Variants in DLC1 observed in about 807,000 individuals in gnomAD.
The protein encoded by DLC1 is rho GTPase-activating protein 7.
A neutral mutation model predicts 140.3 loss-of-function variants in DLC1; 54 were observed. The ratio of observed to expected loss-of-function variants is 0.38; its 90% CI spans 0.31 to 0.48. The LOEUF is 0.48. Ranked by LOEUF, DLC1 falls within the 20% of genes least tolerant of loss-of-function variation. The pLI is 0.96. For missense variants in DLC1, 2,536 were observed against 1,907.0 expected (o/e 1.33, Z -6.14); for synonymous variants, 986 against 728.1 (o/e 1.35, Z -5.70).
intron 2 of DLC1, among the ~76,000 whole-genome samples, chr8:13,434,339 T>C (rs765161587): frequency 2.3e-4 from 35 of 152,226 alleles, no homozygotes; most frequent in Non-Finnish European, 3.8e-4. Flanking sequence ...AAGATGTCAC[T>C]GCTCTAGATT....
chr8:13,256,895 A>G (rs1830252717), intron 5 of DLC1, among the ~76,000 whole-genome samples: 1 of 151,924 alleles, frequency 6.6e-6, no homozygotes, highest in Non-Finnish European at 1.5e-5. Flanking sequence ...AAAAAAAAAA[A>G]AAAAGGCAGA....
At chr8:13,357,383 C>G (rs901367616) in intron 4 of DLC1, among the ~76,000 whole-genome samples, 3 of 152,222 alleles carry the variant, frequency 2.0e-5, no homozygotes, top group African/African-American at 7.2e-5. Context: ...TGTCTTTGGA[C>G]AAATTTACCC....
intron 1 of DLC1, among the ~76,000 whole-genome samples, chr8:13,562,768 T>TA (rs1224186959): frequency 6.6e-6 from 1 of 152,182 alleles, no homozygotes. Context: ...TGATTTCTTA[T>TA]AATAGCAAAA....
intron 5 of DLC1, among the ~76,000 whole-genome samples, chr8:13,221,208 G>A (rs1176933236): frequency 6.6e-6 from 1 of 151,988 alleles, no homozygotes; most frequent in Non-Finnish European, 1.5e-5. Context: ...CTTTCCATGG[G>A]GGATGTTAGA....
At chr8:13,463,115 T>C (rs1400638891) in intron 2 of DLC1, among the ~76,000 whole-genome samples, 1 of 151,934 alleles carries the variant, frequency 6.6e-6, no homozygotes, top group African/African-American at 2.4e-5. Context: ...TATGAGCTGG[T>C]TTTATTTATT....
In DLC1 at chr8:13,099,967, C is replaced by T; in HGVS notation, c.2370G>A (p.Val790=). The change falls in exon 9 of 18, where the codon GTG becomes GTA. Residue 790 remains valine (V), a synonymous_variant. Transcript: ENST00000276297. ...DPFNQSTFNN[V]VEQNFKNRES... ...CGCGGTTCTTAAAGTTCTGCTCCACCACGTTGTTAAATGTTGACTGATTGA... is the reference window on the plus strand; with the variant it reads ...CGCGGTTCTTAAAGTTCTGCTCCACTACGTTGTTAAATGTTGACTGATTGA... 6.2e-7 allele frequency: 1 copy of T among 1,612,702 alleles called. No homozygotes were observed.
intron 6 of DLC1, among the ~76,000 whole-genome samples, chr8:13,113,336 C>T (rs1820273356): frequency 6.6e-6 from 1 of 152,134 alleles, no homozygotes; most frequent in Admixed American, 6.6e-5. Context: ...ACCCAGCACA[C>T]AGTGGCAGGA....
rs779984223 is a variant in DLC1 at position 13,095,199 on chromosome 8, C to T, written c.3214G>A (p.Asp1072Asn). Residue 1072 changes from aspartate (D) to asparagine (N), a missense_variant, in exon 11 of 18, where the codon GAC becomes AAC. Asp to Asn is a conservative substitution (Grantham distance 23, BLOSUM62 1). Coordinates refer to ENST00000276297, the MANE Select transcript of DLC1 (RefSeq NM_182643.3). ...AGTGGGACCCCAAACACACTCCGGTCCTTGTAGTCTGGAACCTTGATCCTC... is the reference window on the plus strand; with the variant it reads ...AGTGGGACCCCAAACACACTCCGGTTCTTGTAGTCTGGAACCTTGATCCTC... ...MKRIKVPDYK[D>N]RSVFGVPLTV... 2 of 1,614,114 alleles carry T rather than the reference C, an allele frequency of 1.2e-6. No individual in the cohort carries two copies. The highest frequency in any genetic ancestry group is 2.7e-5 in the African/African-American group (2 of 74,944).
intron 5 of DLC1, among the ~76,000 whole-genome samples, chr8:13,274,040 A>G (rs955940265): frequency 1.3e-5 from 2 of 152,188 alleles, no homozygotes; most frequent in Non-Finnish European, 2.9e-5. Context: ...TGGACTTTCT[A>G]CTGCCCTCCA....
At chr8:13,159,628 A>C (rs950194140) in intron 5 of DLC1, among the ~76,000 whole-genome samples, 2 of 151,944 alleles carry the variant, frequency 1.3e-5, no homozygotes, top group Non-Finnish European at 1.5e-5. Flanking sequence ...TCATCTCATA[A>C]CTTTCCTGGG....
intron 2 of DLC1, among the ~76,000 whole-genome samples, chr8:13,478,752 T>TA (rs140686865): frequency 1.3e-5 from 2 of 152,316 alleles, no homozygotes; most frequent in African/African-American, 2.4e-5. Flanking sequence ...ACAATTATTT[T>TA]AAAAAAATCC....
chr8:13,127,568 G>T (rs1396973485), intron 5 of DLC1, among the ~76,000 whole-genome samples: 1 of 152,248 alleles, frequency 6.6e-6, no homozygotes, highest in Non-Finnish European at 1.5e-5. Flanking sequence ...AATCACTTCA[G>T]TTTCAGCATC....
At chr8:13,225,640 G>C (rs1051801165) in intron 5 of DLC1, among the ~76,000 whole-genome samples, 1 of 147,800 alleles carries the variant, frequency 6.8e-6, no homozygotes, top group Admixed American at 6.7e-5. Flanking sequence ...TTTTGAGATG[G>C]AGTCTCACTC....
At chr8:13,433,791 C>T (rs549408329) in intron 2 of DLC1, among the ~76,000 whole-genome samples, 2 of 152,244 alleles carry the variant, frequency 1.3e-5, no homozygotes, top group East Asian at 3.9e-4. Context: ...ACACTGTGTT[C>T]ATTCCAGAGG....
At chr8:13,443,305 T>A (rs141831072) in intron 2 of DLC1, among the ~76,000 whole-genome samples, 3,870 of 146,478 alleles carry the variant, frequency 0.026, 180 homozygotes, top group African/African-American at 0.094. Flanking sequence ...TATACATATG[T>A]AACTAACCTG....
chr8:13,478,932 T>C (rs1416322028), intron 2 of DLC1, among the ~76,000 whole-genome samples: 1 of 152,258 alleles, frequency 6.6e-6, no homozygotes, highest in Middle Eastern at 3.2e-3. Context: ...CCTCCTGTTA[T>C]CAAATGTCAG....
chr8:13,369,879 A>T (rs139027227), intron 4 of DLC1, among the ~76,000 whole-genome samples: 20 of 148,476 alleles, frequency 1.3e-4, no homozygotes, highest in African/African-American at 5.0e-4. Context: ...TTCTCATCTC[A>T]CTCAGAATAG....
At chr8:13,509,542 T>C (rs2117245046) in intron 1 of DLC1, among the ~76,000 whole-genome samples, 2 of 152,352 alleles carry the variant, frequency 1.3e-5, no homozygotes, top group Admixed American at 1.3e-4. Context: ...TTAAGTGCAT[T>C]AGAAACTTAT....
intron 4 of DLC1, among the ~76,000 whole-genome samples, chr8:13,307,462 C>A (rs1832493860): frequency 6.6e-6 from 1 of 152,138 alleles, no homozygotes; most frequent in African/African-American, 2.4e-5. Context: ...TGTTTACTTT[C>A]TATGTGTCCC....
Sources: gnomAD v4.1 joint callset for allele counts (sites outside exome capture counted in the v4.1 genomes callset) on GRCh38, gnomAD v4.1.1 for gene constraint, MANE v1.5 for transcripts, NCBI Gene and HGNC (gene_info 2026-07-23, HGNC 2026-07-21) for gene names.